Variants in NPAS3 observed in about 807,000 individuals in gnomAD.
The protein encoded by NPAS3 is neuronal PAS domain protein 3, also known as neuronal PAS domain-containing protein 3.
A neutral mutation model predicts 73.1 loss-of-function variants in NPAS3; 14 were observed. That is an observed-to-expected ratio of 0.19 (90% CI 0.13 to 0.30). NPAS3 has a LOEUF of 0.30. NPAS3 is among the 10% of genes least tolerant of loss of function. NPAS3 has a pLI of 1.00. For missense variants in NPAS3, 1,096 were observed against 1,250.0 expected, an observed-to-expected ratio of 0.88 and a Z score of 1.86; for synonymous variants, 620 against 541.5, an observed-to-expected ratio of 1.14 and a Z score of -2.01.
chr14:33,532,173 A>G (rs770815101), intron 4 of NPAS3, among the ~76,000 whole-genome samples: 2 of 152,174 alleles, frequency 1.3e-5, no homozygotes, highest in Non-Finnish European at 2.9e-5. Flanking sequence ...AATCCAGGCT[A>G]AAAGGACTAA....
At chr14:32,944,202 G>A (rs1321736513) in intron 1 of NPAS3, among the ~76,000 whole-genome samples, 1 of 152,142 alleles carries the variant, frequency 6.6e-6, no homozygotes, top group Non-Finnish European at 1.5e-5. Context: ...AGCAGAGGTA[G>A]CTCCTGCCAC....
upstream of NPAS3, among the ~76,000 whole-genome samples, chr14:32,937,508 T>C (rs927094214): frequency 1.1e-4 from 17 of 152,088 alleles, no homozygotes; most frequent in African/African-American, 3.6e-4. Context: ...GTATATCTTG[T>C]CCATAACACT....
At chr14:33,608,248 T>C (rs187142389) in intron 5 of NPAS3, among the ~76,000 whole-genome samples, 10 of 152,350 alleles carry the variant, frequency 6.6e-5, no homozygotes, top group African/African-American at 2.2e-4. Flanking sequence ...TCTAGTCTTA[T>C]GTTGCTTTCC....
intron 3 of NPAS3, among the ~76,000 whole-genome samples, chr14:33,350,530 C>T (rs1021857381): frequency 2.0e-5 from 3 of 152,214 alleles, no homozygotes; most frequent in Non-Finnish European, 4.4e-5. Context: ...TAGGACCCCC[C>T]TCTGGGTGTA....
At chr14:33,465,322 A>G in intron 4 of NPAS3, among the ~76,000 whole-genome samples, 1 of 152,234 alleles carries the variant, frequency 6.6e-6, no homozygotes, top group Non-Finnish European at 1.5e-5. Context: ...AAGAAGTTAT[A>G]TGGTCAAGCT....
chr14:33,095,797 T>C (rs1483113411), intron 2 of NPAS3, among the ~76,000 whole-genome samples: 2 of 150,898 alleles, frequency 1.3e-5, no homozygotes, highest in African/African-American at 4.9e-5. Flanking sequence ...GCCTCTGGAG[T>C]AGCTGGGACT....
intron 3 of NPAS3, among the ~76,000 whole-genome samples, chr14:33,293,846 A>C (rs2140120924): frequency 6.6e-6 from 1 of 152,346 alleles, no homozygotes; most frequent in Non-Finnish European, 1.5e-5. Context: ...GTATTAAGGT[A>C]ATCTAAGAAA....
At chr14:33,784,745 A>ATTTTTT (rs1226491375) in intron 9 of NPAS3, among the ~76,000 whole-genome samples, 1 of 73,856 alleles carries the variant, frequency 1.4e-5, no homozygotes, top group African/African-American at 6.2e-5. Flanking sequence ...TTATTTATTT[A>ATTTTTT]TTTTTTTTTT....
In NPAS3 at chr14:33,411,435, G is replaced by A. The variant is rs142924083; in HGVS notation, c.468+44167G>A. Among the ~76,000 whole-genome samples the A allele has an allele frequency of 4.0e-4, 61 of 152,234 alleles. 2 individuals are homozygous for A. The highest frequency in any genetic ancestry group is 5.9e-4 in the Non-Finnish European group (40 of 68,014). On this transcript the variant is annotated intron_variant, in intron 4 of 11. Coordinates refer to ENST00000356141, the Ensembl canonical transcript of NPAS3. ...TGACCTCAGGTGATCCACCTGCCTC[G>A]GTTTCCCAAGGTGCTGGGATTACAG...
At chr14:33,315,473 G>A (rs2043171887) in intron 3 of NPAS3, among the ~76,000 whole-genome samples, 1 of 150,410 alleles carries the variant, frequency 6.6e-6, no homozygotes, top group Non-Finnish European at 1.5e-5. Flanking sequence ...TGCGCCAAGG[G>A]AGGACGTTTT....
At chr14:33,132,171 A>C (rs1016880916) in intron 2 of NPAS3, among the ~76,000 whole-genome samples, 4 of 152,132 alleles carry the variant, frequency 2.6e-5, no homozygotes, top group Non-Finnish European at 5.9e-5. Flanking sequence ...ACTTGCATGA[A>C]GACCTTGGAT....
At chr14:33,129,680 A>G (rs2043562761) in intron 2 of NPAS3, among the ~76,000 whole-genome samples, 2 of 152,160 alleles carry the variant, frequency 1.3e-5, no homozygotes, top group African/African-American at 2.4e-5. Context: ...AATAACTAGT[A>G]CATTTTGGGC....
intron 3 of NPAS3, among the ~76,000 whole-genome samples, chr14:33,327,720 C>A (rs564100950): frequency 6.6e-6 from 1 of 151,882 alleles, no homozygotes; most frequent in East Asian, 1.9e-4. Context: ...TTATTGCAGG[C>A]AGAAAAAAAT....
chr14:33,490,534 A>ATTCCATAT (rs2051842429), intron 4 of NPAS3, among the ~76,000 whole-genome samples: 1 of 152,150 alleles, frequency 6.6e-6, no homozygotes, highest in Admixed American at 6.5e-5. Context: ...ATGGTTAGAT[A>ATTCCATAT]TTCCATATTT....
At chr14:33,578,754 T>G (rs2056548371) in intron 5 of NPAS3, among the ~76,000 whole-genome samples, 1 of 152,156 alleles carries the variant, frequency 6.6e-6, no homozygotes, top group South Asian at 2.1e-4. Flanking sequence ...GAGGCATGAC[T>G]AGGATCAGAG....
chr14:33,267,382 C>T (rs544010219), intron 3 of NPAS3, among the ~76,000 whole-genome samples: 30 of 152,200 alleles, frequency 2.0e-4, no homozygotes, highest in Admixed American at 5.9e-4. Flanking sequence ...GCAGCACCAG[C>T]ATTTAAGGAT....
intron 1 of NPAS3, among the ~76,000 whole-genome samples, chr14:32,990,803 G>A (rs541244436): frequency 5.3e-5 from 8 of 151,766 alleles, no homozygotes; most frequent in South Asian, 4.2e-4. Flanking sequence ...AGCGCACGCC[G>A]GTAGTCCCAG....
intron 1 of NPAS3, among the ~76,000 whole-genome samples, chr14:33,019,683 C>T (rs2039523526): frequency 6.6e-6 from 1 of 152,140 alleles, no homozygotes; most frequent in Admixed American, 6.5e-5. Flanking sequence ...TGATGCAAGT[C>T]CTTTCATAGC....
intron 2 of NPAS3, among the ~76,000 whole-genome samples, chr14:33,205,921 A>T (rs1287723280): frequency 2.0e-5 from 3 of 152,206 alleles, no homozygotes; most frequent in Non-Finnish European, 4.4e-5. Context: ...TAAAAGAAAA[A>T]ATGAATTTTC....
Sources: gnomAD v4.1 joint callset for allele counts (sites outside exome capture counted in the v4.1 genomes callset) on GRCh38, gnomAD v4.1.1 for gene constraint, MANE v1.5 for transcripts, NCBI Gene and HGNC (gene_info 2026-07-23, HGNC 2026-07-21) for gene names.